RYR2: variants seen among roughly 807,000 people sequenced by gnomAD.
The protein encoded by RYR2 is ryanodine receptor 2, also known as cardiac muscle ryanodine receptor-calcium release channel.
Under a neutral mutation model 601.1 loss-of-function variants are expected in RYR2, and 227 were observed. The observed-to-expected ratio is 0.38, with a 90% CI of 0.34 to 0.42. RYR2 has a LOEUF of 0.42. Among genes scored for constraint, RYR2 ranks in the 10% least tolerant of loss-of-function variants. The pLI is 1.00. For synonymous variants in RYR2, 2,223 were observed against 2,175.1 expected (o/e 1.02, Z -0.61); for missense variants, 4,646 against 6,156.5 (o/e 0.75, Z 8.21).
intron 1 of RYR2, among the ~76,000 whole-genome samples, chr1:237,265,703 G>A (rs780843471): frequency 2.0e-5 from 3 of 152,228 alleles, no homozygotes; most frequent in Non-Finnish European, 2.9e-5. Flanking sequence ...GTATAGTACA[G>A]ATTGATGGTG....
rs367766286 is a variant in RYR2, at chr1:237,756,048, G to GA, written c.11146-231dup. On this transcript the variant is annotated intron_variant, in intron 80 of 104. Coordinates refer to ENST00000366574, the MANE Select transcript of RYR2 (RefSeq NM_001035.3). Reference sequence around the variant, plus strand: ...GAATGAATCAAATCATTAAAATTGAGAAAAAAAAATCCATGCTGATAAACC... The same window carrying GA: ...GAATGAATCAAATCATTAAAATTGAGAAAAAAAAAATCCATGCTGATAAACC... Among the ~76,000 whole-genome samples, 610 of 148,604 alleles carry GA rather than the reference G, an allele frequency of 4.1e-3. 5 individuals carry two copies. Among genetic ancestry groups the GA allele is most frequent in the African/African-American group, 0.014 (559 of 40,624 alleles).
intron 49 of RYR2, among the ~76,000 whole-genome samples, chr1:237,649,571 T>C (rs1682517105): frequency 6.6e-6 from 1 of 152,138 alleles, no homozygotes; most frequent in Non-Finnish European, 1.5e-5. Flanking sequence ...TCTGTGATAT[T>C]ATTGTCTTCT....
intron 14 of RYR2, among the ~76,000 whole-genome samples, chr1:237,450,617 T>C (rs1460649041): frequency 6.6e-6 from 1 of 152,200 alleles, no homozygotes; most frequent in Non-Finnish European, 1.5e-5. Flanking sequence ...AACTCACATC[T>C]AGTTGACATG....
chr1:237,816,080 C>G (rs1472668536), intron 100 of RYR2, among the ~76,000 whole-genome samples: 2 of 152,098 alleles, frequency 1.3e-5, no homozygotes, highest in African/African-American at 4.8e-5. Flanking sequence ...GGATGGAGAG[C>G]TAGGACATTC....
chr1:237,776,806 A>AT (rs1422287339), intron 87 of RYR2, among the ~76,000 whole-genome samples: 1 of 152,026 alleles, frequency 6.6e-6, no homozygotes, highest in East Asian at 1.9e-4. Context: ...GGTGTGTTGT[A>AT]TTTTTTTATC....
chr1:237,538,456 C>A, intron 25 of RYR2, among the ~76,000 whole-genome samples: 1 of 109,774 alleles, frequency 9.1e-6, no homozygotes, highest in African/African-American at 3.3e-5. Flanking sequence ...GTATTCGTTT[C>A]AGAAGGAAAT....
At chr1:237,455,330 ACTTAG>A (rs2150222780) in intron 15 of RYR2, among the ~76,000 whole-genome samples, 1 of 152,204 alleles carries the variant, frequency 6.6e-6, no homozygotes, top group African/African-American at 2.4e-5. Flanking sequence ...CTGAATAAAT[ACTTAG>A]CTTTGTAAAA....
intron 1 of RYR2, among the ~76,000 whole-genome samples, chr1:237,138,400 A>G (rs976541084): frequency 6.6e-6 from 1 of 152,144 alleles, no homozygotes; most frequent in African/African-American, 2.4e-5. Flanking sequence ...TTGTTCATTT[A>G]GTTCTGCTAG....
intron 1 of RYR2, among the ~76,000 whole-genome samples, chr1:237,059,125 C>T (rs1662539013): frequency 1.3e-5 from 2 of 152,044 alleles, no homozygotes; most frequent in African/African-American, 4.8e-5. Flanking sequence ...TGCAGTCACA[C>T]AGTAGGGAGG....
chr1:237,172,238 A>G (rs897507520), intron 1 of RYR2, among the ~76,000 whole-genome samples: 1 of 152,178 alleles, frequency 6.6e-6, no homozygotes, highest in Admixed American at 6.5e-5. Context: ...TAGACTTTGA[A>G]TGTTGTTTGC....
chr1:237,192,407 G>T (rs1394172517), intron 1 of RYR2, among the ~76,000 whole-genome samples: 1 of 152,064 alleles, frequency 6.6e-6, no homozygotes, highest in Admixed American at 6.6e-5. Flanking sequence ...TATAGACGGG[G>T]TTTCACCATG....
chr1:237,527,171 T>C (rs1667677956), intron 24 of RYR2, among the ~76,000 whole-genome samples: 2 of 152,222 alleles, frequency 1.3e-5, no homozygotes, highest in Admixed American at 6.5e-5. Flanking sequence ...GTGTCTAATT[T>C]TGTACCATTA....
intron 24 of RYR2, among the ~76,000 whole-genome samples, chr1:237,520,130 T>C: frequency 6.6e-6 from 1 of 152,224 alleles, no homozygotes; most frequent in Non-Finnish European, 1.5e-5. Flanking sequence ...TCTATAGATA[T>C]GCTACCAATT....
intron 12 of RYR2, among the ~76,000 whole-genome samples, chr1:237,432,100 T>C (rs761559464): frequency 0.068 from 7,843 of 115,836 alleles, 306 homozygotes; most frequent in Non-Finnish European, 0.094. Flanking sequence ...GCAAATGGTC[T>C]TTTTTTTTTA....
At chr1:237,390,336 T>G (rs539609361) in intron 10 of RYR2, among the ~76,000 whole-genome samples, 1 of 152,324 alleles carries the variant, frequency 6.6e-6, no homozygotes, top group African/African-American at 2.4e-5. Context: ...GGTTCTGCTC[T>G]GCCACTTACC....
chr1:237,088,880 A>C (rs986352125), intron 1 of RYR2, among the ~76,000 whole-genome samples: 1 of 152,198 alleles, frequency 6.6e-6, no homozygotes, highest in Non-Finnish European at 1.5e-5. Context: ...CAGAGACAAC[A>C]TTTTATTTAA....
rs570300047 is a variant in RYR2 at position 237,347,566 on chromosome 1, G to A, written c.274-8399G>A. On this transcript the variant is annotated intron_variant, in intron 3 of 104. Coordinates refer to ENST00000366574, the MANE Select transcript of RYR2 (RefSeq NM_001035.3). ...AAATCCCTAGGCACCAAGGATTTGG[G>A]GTTTTGTTGGGAAGAAAACATCTAG... Among the ~76,000 whole-genome samples the A allele has an allele frequency of 2.5e-4, 38 of 152,080 alleles. No homozygotes were observed. The East Asian group carries it at 7.2e-3, about 29-fold the overall frequency.
intron 1 of RYR2, 103 bp from the exon 2 acceptor site, chr1:237,270,394 G>A (rs1689560761): frequency 2.7e-6 from 4 of 1,478,888 alleles, no homozygotes; most frequent in Non-Finnish European, 3.7e-6. Flanking sequence ...ATTCGGCACA[G>A]ATTTTTAAAA....
chr1:237,279,384 TA>T (rs972037835), intron 2 of RYR2, among the ~76,000 whole-genome samples: 3 of 152,296 alleles, frequency 2.0e-5, no homozygotes, highest in African/African-American at 4.8e-5. Flanking sequence ...AATAAGTACT[TA>T]AAAAATAATT....
Sources: gnomAD v4.1 joint callset for allele counts (sites outside exome capture counted in the v4.1 genomes callset) on GRCh38, gnomAD v4.1.1 for gene constraint, MANE v1.5 for transcripts, NCBI Gene and HGNC (gene_info 2026-07-23, HGNC 2026-07-21) for gene names.